Variants in VPS37D observed in about 807,000 individuals in gnomAD.
VPS37D encodes VPS37D subunit of ESCRT-I.
VPS37D carries 5 observed loss-of-function variants against 22.0 expected under a neutral mutation model. The observed-to-expected ratio is 0.23, with a 90% confidence interval of 0.12 to 0.48. VPS37D has a LOEUF of 0.48. Among genes scored for constraint, VPS37D ranks in the 20% least tolerant of loss-of-function variants. The pLI is 0.99. For synonymous variants in VPS37D, 174 were observed against 159.3 expected, an observed-to-expected ratio of 1.09 and a Z score of -0.69; for missense variants, 384 against 345.8, an observed-to-expected ratio of 1.11 and a Z score of -0.88.
chr7:73,666,553 T>C (rs34564762), upstream of VPS37D, among the ~76,000 whole-genome samples: 40,293 of 151,700 alleles, frequency 0.27, 6,167 homozygotes, highest in South Asian at 0.35. Flanking sequence ...CTCAGCCACC[T>C]GAGTAGCTGG....
chr7:73,670,952 G>A lies in VPS37D; in HGVS notation c.394-62G>A. On this transcript the variant is annotated intron_variant, in intron 3 of 3. Transcript: ENST00000324941. ...GGAGGGCCTCAGGGTGGGAAGGAGT[G>A]AGGACCAGTCCCCAGTCTGTGGTCG... is the stretch of plus-strand genomic sequence containing the variant. 1.1e-5 allele frequency: 18 copies of A among 1,571,488 alleles called. No homozygotes were observed. In the South Asian group the frequency reaches 2.1e-4, roughly 18 times the overall value.
At position 73,671,141 on chromosome 7, in the gene VPS37D, G is replaced by A. The variant is rs199932940; in HGVS notation, c.521G>A (p.Arg174His). The A allele has an allele frequency of 8.7e-4, 1,405 of 1,607,114 alleles. 2 individuals are homozygous for A. Among genetic ancestry groups the A allele is most frequent in the Non-Finnish European group, 1.1e-3 (1,355 of 1,178,968 alleles). ...QAEKLQELLR[R>H]RERSAQPAPT... is the part of the protein sequence containing the mutation. ...GAGAAGCTGCAGGAGCTGCTGCGGC[G>A]TCGGGAGCGTTCTGCCCAGCCGGCC... is the stretch of plus-strand genomic sequence containing the variant. The change falls in exon 4 of 4, where the codon CGT (arginine) becomes CAT (histidine). Residue 174 changes from arginine to histidine, a missense_variant. Arg to His is a conservative substitution (Grantham distance 29). Transcript: ENST00000324941.
In VPS37D at chr7:73,667,934, C is replaced by T; in HGVS notation, c.-25C>T. On this transcript the variant is annotated 5_prime_UTR_variant, in exon 1 of 4. Transcript: ENST00000324941. ...GGGCCGAGCGGGCCGAGCCAGCAGC[C>T]GAGCTGGGGGCGCGGGCGGGCGGCA... 1.0e-6 allele frequency: 1 copy of T among 958,094 alleles called. No homozygotes were observed. The highest frequency in any genetic ancestry group is 1.8e-5 in the African/African-American group (1 of 55,848). 59.3% of individuals were successfully genotyped at this position (958,094 alleles called of 1,614,324 possible). A position where few individuals can be genotyped will look rare whatever the true frequency, so the allele number is the denominator to read the frequency against.
At chr7:73,667,501 A>C (rs6950314), upstream of VPS37D, among the ~76,000 whole-genome samples, 1 of 151,900 alleles carries the variant, frequency 6.6e-6, no homozygotes, top group African/African-American at 2.4e-5. Context: ...GAGGGCTGCA[A>C]GGCAGGAGCC....
upstream of VPS37D, among the ~76,000 whole-genome samples, chr7:73,667,240 C>T (rs994069889): frequency 2.6e-5 from 4 of 152,150 alleles, no homozygotes; most frequent in African/African-American, 4.8e-5. Context: ...TCCCAAAGTG[C>T]TGGGATTACA....
In VPS37D at chr7:73,671,472, C is replaced by T; in HGVS notation, c.*96C>T. The T allele has an allele frequency of 1.9e-6, 1 of 527,346 alleles. No individual in the cohort carries two copies. The allele number at this position is 527,346 out of a possible 1,614,324, so 32.7% of individuals were successfully genotyped here. ...TGCCTGGGTGGGGGGAGGGGCAGGC[C>T]CCTCCCCCTGGCCTCAGGCAGGCCC... On this transcript the variant is annotated 3_prime_UTR_variant, in exon 4 of 4. Transcript: ENST00000324941.
Position 73,669,376 on chromosome 7 carries a change from G to A in VPS37D, c.139-43G>A, listed in dbSNP as rs566417576. 2,625 of 1,512,578 alleles carry A rather than the reference G, an allele frequency of 1.7e-3. 5 individuals are homozygous for A. The highest frequency in any genetic ancestry group is 2.1e-3 in the Non-Finnish European group (2,401 of 1,125,240). 93.7% of individuals were successfully genotyped at this position (1,512,578 alleles called of 1,614,324 possible). A position where few individuals can be genotyped will look rare whatever the true frequency, so the allele number is the denominator to read the frequency against. ...TGGACGGGGCAGTAGGGTGGACAGGGCAGATCCCCTGAGCGGGCCTCTTAG... is the reference window on the plus strand; with the variant it reads ...TGGACGGGGCAGTAGGGTGGACAGGACAGATCCCCTGAGCGGGCCTCTTAG... On this transcript the variant is annotated intron_variant, in intron 1 of 3. Coordinates refer to ENST00000324941, the MANE Select transcript of VPS37D (RefSeq NM_001077621.2).
Position 73,669,540 on chromosome 7 carries a change from A to G in VPS37D, c.260A>G (p.Gln87Arg). ...MGRAALAIKY[Q>R]ELREVAENCA... is the part of the protein sequence containing the mutation. ...CGGGCTGCCCTGGCCATCAAATACC[A>G]GGAGCTTCGTGAGGTGGCCGAGAAC... The change falls in exon 2 of 4, where the codon CAG becomes CGG. Residue 87 changes from glutamine (Q) to arginine (R), a missense_variant. Physicochemically the swap from Gln to Arg is conservative, Grantham distance 43 (BLOSUM62 1). Coordinates refer to ENST00000324941, the MANE Select transcript of VPS37D (RefSeq NM_001077621.2). The G allele has an allele frequency of 1.3e-6, 2 of 1,589,332 alleles. No individual in the cohort carries two copies. The highest frequency in any genetic ancestry group is 1.7e-6 in the Non-Finnish European group (2 of 1,168,014).
intron 1 of VPS37D, among the ~76,000 whole-genome samples, chr7:73,669,011 G>GAA (rs1797445028): frequency 6.6e-6 from 1 of 152,040 alleles, no homozygotes; most frequent in Non-Finnish European, 1.5e-5. Flanking sequence ...CAAAGGCCTG[G>GAA]AGTGAGAGGG....
At chr7:73,669,284 C>A in intron 1 of VPS37D, 135 bp from the exon 2 acceptor site, 1 of 1,179,010 alleles carries the variant, frequency 8.5e-7, no homozygotes, top group Non-Finnish European at 1.2e-6. Flanking sequence ...CTGTTGGGTT[C>A]ACCACCCTGA....
At position 73,671,171 on chromosome 7, in the gene VPS37D, C is replaced by T. The variant is rs782323818; in HGVS notation, c.551C>T (p.Thr184Ile). ...GAGCGTTCTGCCCAGCCGGCCCCCACCTCGGCTGCTGATCCCCCCAAATCC... is the reference window on the plus strand; with the variant it reads ...GAGCGTTCTGCCCAGCCGGCCCCCATCTCGGCTGCTGATCCCCCCAAATCC... ...RRERSAQPAPTSAADPPKSFP... is the reference protein window; with the variant it reads ...RRERSAQPAPISAADPPKSFP... The change falls in exon 4 of 4, where the codon ACC becomes ATC. Residue 184 changes from threonine to isoleucine, a missense_variant. Thr to Ile is a moderately conservative substitution (Grantham distance 89). Coordinates refer to ENST00000324941, the MANE Select transcript of VPS37D (RefSeq NM_001077621.2). The T allele has an allele frequency of 1.7e-5, 28 of 1,604,552 alleles. No homozygotes were observed. Among genetic ancestry groups the T allele is most frequent in the Non-Finnish European group, 2.2e-5 (26 of 1,177,930 alleles).
Position 73,668,084 on chromosome 7 carries a change from G to A in VPS37D, c.126G>A (p.Arg42=). Reference sequence around the variant, plus strand: ...AGCCCAAGCTGGACCGGATCGTGCGGCTCAGCAGGAAGGTAGCGCGGGGGG... The same window carrying A: ...AGCCCAAGCTGGACCGGATCGTGCGACTCAGCAGGAAGGTAGCGCGGGGGG... The part of the protein sequence containing the change: ...QDEPKLDRIV[R]LSRKFQGLQL... The change falls in exon 1 of 4, where the codon CGG becomes CGA. Residue 42 remains arginine, a synonymous_variant. Transcript: ENST00000324941. 2 of 1,121,506 alleles carry A rather than the reference G, an allele frequency of 1.8e-6. No homozygotes were observed. Among genetic ancestry groups the A allele is most frequent in the Non-Finnish European group, 2.2e-6 (2 of 907,782 alleles). The allele number at this position is 1,121,506 out of a possible 1,614,324, so 69.5% of individuals were successfully genotyped here.
At chr7:73,665,727 C>A, upstream of VPS37D, among the ~76,000 whole-genome samples, 1 of 152,178 alleles carries the variant, frequency 6.6e-6, no homozygotes, top group Admixed American at 6.5e-5. Flanking sequence ...TCATCATTTT[C>A]TCCTTCAACT....
upstream of VPS37D, among the ~76,000 whole-genome samples, chr7:73,666,128 C>T (rs1797367443): frequency 6.6e-6 from 1 of 152,110 alleles, no homozygotes. Context: ...GGGACAATGG[C>T]TTAACCTATT....
At chr7:73,666,855 T>G (rs540137310), upstream of VPS37D, among the ~76,000 whole-genome samples, 1 of 151,682 alleles carries the variant, frequency 6.6e-6, no homozygotes, top group South Asian at 2.1e-4. Context: ...GTCTCAAAAC[T>G]GAGCTCAAGC....
At chr7:73,666,496 T>A (rs552456293), upstream of VPS37D, among the ~76,000 whole-genome samples, 1 of 152,046 alleles carries the variant, frequency 6.6e-6, no homozygotes, top group African/African-American at 2.4e-5. Context: ...TGGTGCTATC[T>A]CGGCTCACTA....
At chr7:73,665,710 T>G (rs1797360326), upstream of VPS37D, among the ~76,000 whole-genome samples, 1 of 152,166 alleles carries the variant, frequency 6.6e-6, no homozygotes, top group South Asian at 2.1e-4. Context: ...TGGATTTCTG[T>G]TTGCTTTCAT....
At chr7:73,666,423 T>G (rs1241713995), upstream of VPS37D, among the ~76,000 whole-genome samples, 7 of 150,214 alleles carry the variant, frequency 4.7e-5, no homozygotes, top group African/African-American at 1.8e-4. Context: ...CATCTCTTTT[T>G]TTTCTTTTTT....
At chr7:73,666,261 C>T (rs1554608609), upstream of VPS37D, among the ~76,000 whole-genome samples, 1 of 152,150 alleles carries the variant, frequency 6.6e-6, no homozygotes, top group East Asian at 1.9e-4. Flanking sequence ...CTGCCTTAAT[C>T]CATGAACTCC....
Sources: allele counts gnomAD v4.1 joint callset (sites outside exome capture counted in the v4.1 genomes callset), GRCh38; gene constraint gnomAD v4.1.1; transcripts MANE v1.5; gene names NCBI Gene and HGNC (gene_info 2026-07-23, HGNC 2026-07-21).